NUP155: variants seen among roughly 807,000 people sequenced by gnomAD.
NUP155 encodes the protein nucleoporin 155.
A neutral mutation model predicts 180.4 loss-of-function variants in NUP155; 71 were observed. The ratio of observed to expected loss-of-function variants is 0.39; its 90% CI spans 0.33 to 0.48. The LOEUF (loss-of-function observed/expected upper bound fraction) is 0.48, where lower values mean the gene tolerates loss of function less well. Among genes scored for constraint, NUP155 ranks in the 20% least tolerant of loss-of-function variants. The pLI, the probability that NUP155 is intolerant of heterozygous loss-of-function variation, is 0.91. For synonymous variants in NUP155, 582 were observed against 559.5 expected, an observed-to-expected ratio of 1.04 and a Z score of -0.57; for missense variants, 1,553 against 1,648.9, an observed-to-expected ratio of 0.94 and a Z score of 1.01.
chr5:37,356,416 G>A (rs1489527180), intron 4 of NUP155, among the ~76,000 whole-genome samples: 1 of 152,030 alleles, frequency 6.6e-6, no homozygotes, highest in Non-Finnish European at 1.5e-5. Context: ...ACCGATGTGG[G>A]AGGATCACCT....
intron 25 of NUP155, among the ~76,000 whole-genome samples, chr5:37,305,424 G>T (rs1476882748): frequency 6.6e-6 from 1 of 152,126 alleles, no homozygotes; most frequent in Non-Finnish European, 1.5e-5. Flanking sequence ...CCTCACACCT[G>T]TAATCCCAGC....
In NUP155 at chr5:37,327,709, A is replaced by G. The variant is rs374019058; in HGVS notation, c.1944T>C (p.Asn648=). The change falls in exon 18 of 35, where the codon AAT becomes AAC. Residue 648 remains asparagine, a synonymous_variant. Transcript: ENST00000231498. ...ALGNPATQAT[N]MSCVTGPEIV... ...TCTCTGGTCCAGTCACACAACTCAT[A>G]TTTGTGGCCTGAGTTGCTGGGTTTC... The G allele has an allele frequency of 5.6e-6, 9 of 1,613,980 alleles. 1 individual carries two copies. The African/African-American group carries it at 1.2e-4, about 22-fold the overall frequency.
chr5:37,349,058 CTT>C (rs35729800), intron 8 of NUP155, 112 bp downstream of exon 8: 2,503 of 276,204 alleles, frequency 9.1e-3, no homozygotes, highest in South Asian at 0.015. Context: ...GCCCAGCAGG[CTT>C]TTTTTTTTTT....
At chr5:37,321,467 C>A (rs890619544) in intron 20 of NUP155, among the ~76,000 whole-genome samples, 1 of 152,162 alleles carries the variant, frequency 6.6e-6, no homozygotes, top group Non-Finnish European at 1.5e-5. Flanking sequence ...CCCTGTAATC[C>A]CAGCACTTTG....
chr5:37,358,262 T>C (rs1053532462), intron 3 of NUP155, 111 bp from the exon 4 acceptor site: 5 of 782,528 alleles, frequency 6.4e-6, no homozygotes, highest in Admixed American at 1.8e-5. Context: ...GAGGACTGCC[T>C]GAGCCCAGAA....
intron 12 of NUP155, among the ~76,000 whole-genome samples, chr5:37,335,667 T>C (rs1332999373): frequency 6.6e-6 from 1 of 151,998 alleles, no homozygotes; most frequent in Non-Finnish European, 1.5e-5. Context: ...AAAATGTTAT[T>C]GGCTGGACGA....
At chr5:37,307,720 G>A (rs1743246736) in intron 24 of NUP155, among the ~76,000 whole-genome samples, 1 of 151,812 alleles carries the variant, frequency 6.6e-6, no homozygotes. Flanking sequence ...TCAGGGGTTC[G>A]AGACCAGCCT....
At chr5:37,357,399 CAAAAA>C (rs397997409) in intron 4 of NUP155, among the ~76,000 whole-genome samples, 5 of 31,298 alleles carry the variant, frequency 1.6e-4, no homozygotes, top group Admixed American at 1.2e-3. Context: ...ACCTTAATCT[CAAAAA>C]AAAAAAAAAA....
chr5:37,295,463 C>G (rs1055143199), intron 32 of NUP155, among the ~76,000 whole-genome samples: 1 of 152,060 alleles, frequency 6.6e-6, no homozygotes, highest in Non-Finnish European at 1.5e-5. Context: ...TCTGCCCGGC[C>G]GCCACCCTGT....
At chr5:37,357,971 C>G (rs757182559) in intron 4 of NUP155, 110 bp downstream of exon 4, 2 of 762,128 alleles carry the variant, frequency 2.6e-6, no homozygotes, top group South Asian at 1.4e-5. Flanking sequence ...CCAGCCTACT[C>G]GATGGAACGA....
chr5:37,335,985 C>T (rs553050817), intron 12 of NUP155, among the ~76,000 whole-genome samples: 1 of 151,872 alleles, frequency 6.6e-6, no homozygotes, highest in Admixed American at 6.6e-5. Context: ...GTTATCAATT[C>T]CCTAATATAA....
rs1311536460 is a variant in NUP155, at chr5:37,292,989, T to C, written c.3931-4A>G. On this transcript the variant is annotated splice_polypyrimidine_tract_variant and splice_region_variant and intron_variant, in intron 33 of 34. Transcript: ENST00000231498. ...TCATTCTGTTCCAGAATGGATCCTA[T>C]GAAGAAATATACATAATGAAATGTG... 3 of 1,555,820 alleles carry C rather than the reference T, an allele frequency of 1.9e-6. No individual in the cohort carries two copies. Among genetic ancestry groups the C allele is most frequent in the Non-Finnish European group, 2.7e-6 (3 of 1,127,344 alleles).
intron 14 of NUP155, among the ~76,000 whole-genome samples, chr5:37,330,452 A>C (rs1296669451): frequency 6.6e-6 from 1 of 152,212 alleles, no homozygotes; most frequent in Non-Finnish European, 1.5e-5. Flanking sequence ...AACACTGAAT[A>C]CCTACCATGT....
intron 3 of NUP155, among the ~76,000 whole-genome samples, chr5:37,361,500 G>A (rs1199845429): frequency 1.3e-5 from 2 of 152,130 alleles, no homozygotes; most frequent in East Asian, 3.9e-4. Flanking sequence ...ATAGCTAAAT[G>A]GCAACTTATG....
At position 37,307,382 on chromosome 5, in the gene NUP155, T is replaced by G; in HGVS notation, c.2818A>C (p.Lys940Gln). The G allele has an allele frequency of 6.2e-7, 1 of 1,613,914 alleles. No homozygotes were observed. The highest frequency in any genetic ancestry group is 1.1e-5 in the South Asian group (1 of 91,058). ...TGAAGCCCAAGACCTTGAGGATCTTTTTTCTCTGCAGCCGTAAGAGAAAGT... is the reference window on the plus strand; with the variant it reads ...TGAAGCCCAAGACCTTGAGGATCTTGTTTCTCTGCAGCCGTAAGAGAAAGT... Reference protein sequence around the residue: ...VELSLTAAEKKDPQGLGLHFY... With the variant: ...VELSLTAAEKQDPQGLGLHFY... The change falls in exon 25 of 35, where the codon AAA becomes CAA. Residue 940 changes from lysine to glutamine, a missense_variant. Transcript: ENST00000231498.
chr5:37,318,201 G>A, intron 20 of NUP155, 116 bp from the exon 21 acceptor site: 1 of 734,126 alleles, frequency 1.4e-6, no homozygotes, highest in African/African-American at 1.7e-5. Context: ...CAGAAGGTTG[G>A]GCAACCAACA....
rs191415541 is a variant in NUP155 at position 37,352,982 on chromosome 5, G to A, written c.464-153C>T. ...ATTCTGTTGTTAAAAATATTATTATGTATGATCATTTAAATAAGTAAATTT... is the reference window on the plus strand; with the variant it reads ...ATTCTGTTGTTAAAAATATTATTATATATGATCATTTAAATAAGTAAATTT... On this transcript the variant is annotated intron_variant, in intron 4 of 34. Coordinates refer to ENST00000231498, the MANE Select transcript of NUP155 (RefSeq NM_153485.3). Among the ~76,000 whole-genome samples the A allele has an allele frequency of 1.1e-4, 17 of 152,102 alleles. No homozygotes were observed. In the Middle Eastern group the frequency reaches 0.01, roughly 91 times the overall value.
intron 30 of NUP155, 84 bp downstream of exon 30, chr5:37,301,353 C>T: frequency 1.2e-6 from 1 of 828,414 alleles, no homozygotes; most frequent in Non-Finnish European, 2.0e-6. Context: ...GTAATTTTCC[C>T]CATGAAACAA....
intron 22 of NUP155, among the ~76,000 whole-genome samples, chr5:37,311,302 T>G (rs1289871534): frequency 6.6e-6 from 1 of 152,180 alleles, no homozygotes; most frequent in East Asian, 1.9e-4. Context: ...ATCTTTAATT[T>G]GCATTCATTG....
Sources: allele counts gnomAD v4.1 joint callset (sites outside exome capture counted in the v4.1 genomes callset), GRCh38; gene constraint gnomAD v4.1.1; transcripts MANE v1.5; gene names NCBI Gene and HGNC (gene_info 2026-07-23, HGNC 2026-07-21).